The following SLC8A1 variants were observed in gnomAD, a reference collection of about 807,000 sequenced individuals.
The protein encoded by SLC8A1 is solute carrier family 8 member A1, also known as sodium/calcium exchanger 1.
A neutral mutation model predicts 68.3 loss-of-function variants in SLC8A1; 18 were observed. The ratio of observed to expected loss-of-function variants is 0.26; its 90% confidence interval spans 0.18 to 0.39. The LOEUF (loss-of-function observed/expected upper bound fraction) is 0.39. Among genes scored for constraint, SLC8A1 ranks in the 10% least tolerant of loss-of-function variants. The probability of loss-of-function intolerance (pLI) is 1.00; values close to 1 mark genes in which losing one functional copy is unlikely to be tolerated. For synonymous variants in SLC8A1, 475 were observed against 415.5 expected (o/e 1.14, Z -1.74); for missense variants, 985 against 1,156.7 (o/e 0.85, Z 2.15).
At chr2:40,447,198 C>A (rs1701605104) in intron 1 of SLC8A1, among the ~76,000 whole-genome samples, 1 of 152,108 alleles carries the variant, frequency 6.6e-6, no homozygotes, top group South Asian at 2.1e-4. Context: ...AGGTTACGGG[C>A]ATTAATACAT....
chr2:40,482,350 G>T (rs1439837080), intron 1 of SLC8A1, among the ~76,000 whole-genome samples: 1 of 152,114 alleles, frequency 6.6e-6, no homozygotes, highest in East Asian at 1.9e-4. Flanking sequence ...TGTAAGGGTT[G>T]AAGCTTATAC....
intron 2 of SLC8A1, among the ~76,000 whole-genome samples, chr2:40,355,279 A>G (rs1672330310): frequency 6.6e-6 from 1 of 152,188 alleles, no homozygotes; most frequent in Admixed American, 6.5e-5. Flanking sequence ...TGATTCTGAC[A>G]ACAACATGCA....
chr2:40,275,629 G>A (rs1478030802), intron 2 of SLC8A1, among the ~76,000 whole-genome samples: 2 of 152,152 alleles, frequency 1.3e-5, no homozygotes, highest in African/African-American at 4.8e-5. Flanking sequence ...GTAACCCACA[G>A]GCCTCTCTGT....
At chr2:40,114,621 C>G (rs1478809475) in exon 8 of SLC8A1, 2 of 152,760 alleles carry the variant, frequency 1.3e-5, no homozygotes, top group African/African-American at 2.4e-5. Flanking sequence ...ATCGGATTTC[C>G]TGGCTCCATT....
At chr2:40,381,881 T>C (rs1223764713) in intron 2 of SLC8A1, among the ~76,000 whole-genome samples, 1 of 151,850 alleles carries the variant, frequency 6.6e-6, no homozygotes, top group Non-Finnish European at 1.5e-5. Context: ...TCCTCTTCCA[T>C]ACCTCTCCCT....
intron 2 of SLC8A1, among the ~76,000 whole-genome samples, chr2:40,229,495 G>A (rs1041842296): frequency 3.9e-5 from 6 of 152,054 alleles, no homozygotes; most frequent in African/African-American, 1.2e-4. Flanking sequence ...TCTCTTCTGT[G>A]TTATCTGTGC....
intron 2 of SLC8A1, among the ~76,000 whole-genome samples, chr2:40,400,043 G>C (rs1688223875): frequency 6.6e-6 from 1 of 152,124 alleles, no homozygotes; most frequent in Non-Finnish European, 1.5e-5. Flanking sequence ...CTAATTAACA[G>C]TGCATGCAGC....
chr2:40,416,525 T>A (rs549616188), intron 2 of SLC8A1, among the ~76,000 whole-genome samples: 29 of 152,260 alleles, frequency 1.9e-4, no homozygotes, highest in Admixed American at 3.9e-4. Context: ...TGTCATTTTT[T>A]AAAAAAATTT....
At chr2:40,412,515 C>T (rs182864287) in intron 2 of SLC8A1, among the ~76,000 whole-genome samples, 37 of 152,290 alleles carry the variant, frequency 2.4e-4, no homozygotes, top group Admixed American at 2.2e-3. Flanking sequence ...ACGGTTTTAA[C>T]TGAAACAGAT....
At chr2:40,264,661 G>A (rs1451814713) in intron 2 of SLC8A1, among the ~76,000 whole-genome samples, 2 of 152,130 alleles carry the variant, frequency 1.3e-5, no homozygotes, top group African/African-American at 2.4e-5. Context: ...GAGAACACAC[G>A]GACACAGGAA....
intron 6 of SLC8A1, among the ~76,000 whole-genome samples, chr2:40,142,971 C>T (rs113213948): frequency 2.7e-5 from 4 of 145,852 alleles, no homozygotes; most frequent in African/African-American, 7.6e-5. Flanking sequence ...TGTGTGAGAG[C>T]GAGAGAGAGA....
intron 1 of SLC8A1, among the ~76,000 whole-genome samples, chr2:40,445,105 T>C (rs569090338): frequency 6.6e-6 from 1 of 152,336 alleles, no homozygotes; most frequent in Middle Eastern, 3.4e-3. Flanking sequence ...TTTACTAATA[T>C]TAATTTATTA....
chr2:40,303,796 C>A (rs1291054766), intron 2 of SLC8A1, among the ~76,000 whole-genome samples: 1 of 152,158 alleles, frequency 6.6e-6, no homozygotes, highest in Non-Finnish European at 1.5e-5. Context: ...TCACTTTCTT[C>A]AGGTCTGAGA....
chr2:40,282,754 C>T (rs974532330), intron 2 of SLC8A1, among the ~76,000 whole-genome samples: 1 of 152,028 alleles, frequency 6.6e-6, no homozygotes, highest in Admixed American at 6.6e-5. Flanking sequence ...TCCAGTCCTG[C>T]CCAGTAACAG....
chr2:40,461,614 C>A (rs1323786914), intron 1 of SLC8A1, among the ~76,000 whole-genome samples: 1 of 152,160 alleles, frequency 6.6e-6, no homozygotes, highest in Admixed American at 6.5e-5. Context: ...TATAAAGAGC[C>A]TCTTACTTCC....
At position 40,511,929 on chromosome 2, in the gene SLC8A1, C is replaced by A. The variant is rs950421796; in HGVS notation, c.-25+420G>T. On this transcript the variant is annotated intron_variant, in intron 1 of 7. Transcript: ENST00000402441. ...TCTAAGGAAGAACTAGTCACACATG[C>A]GAGTTTTTGCTGGCTTGAGAACAAG... is the stretch of plus-strand genomic sequence containing the variant. Among the ~76,000 whole-genome samples the A allele has an allele frequency of 3.3e-5, 5 of 152,120 alleles. No homozygotes were observed. In the East Asian group the frequency reaches 9.6e-4, roughly 29 times the overall value.
intron 2 of SLC8A1, among the ~76,000 whole-genome samples, chr2:40,310,900 A>G (rs887885340): frequency 9.2e-5 from 14 of 152,256 alleles, no homozygotes; most frequent in African/African-American, 3.4e-4. Context: ...GGTCTTAGAT[A>G]TTTTTATATT....
At chr2:40,256,978 C>G (rs2064027082) in intron 2 of SLC8A1, among the ~76,000 whole-genome samples, 1 of 151,854 alleles carries the variant, frequency 6.6e-6, no homozygotes, top group Non-Finnish European at 1.5e-5. Context: ...TCTCTGCAGT[C>G]TCATCTGACA....
chr2:40,198,286 T>C (rs1354541828), intron 2 of SLC8A1, among the ~76,000 whole-genome samples: 1 of 151,950 alleles, frequency 6.6e-6, no homozygotes, highest in Non-Finnish European at 1.5e-5. Flanking sequence ...ACAATTGTGT[T>C]TGAAATCACA....
Sources: gnomAD v4.1 joint callset for allele counts (sites outside exome capture counted in the v4.1 genomes callset) on GRCh38, gnomAD v4.1.1 for gene constraint, MANE v1.5 for transcripts, NCBI Gene and HGNC (gene_info 2026-07-23, HGNC 2026-07-21) for gene names.